ACVR2A: variants seen among roughly 807,000 people sequenced by gnomAD.
ACVR2A encodes activin A receptor type 2A.
ACVR2A carries 7 observed loss-of-function variants against 61.4 expected under a neutral mutation model. The observed-to-expected ratio is 0.11, with a 90% CI of 0.06 to 0.21. The LOEUF is 0.21. Ranked by LOEUF, ACVR2A falls within the 10% of genes least tolerant of loss-of-function variation. The pLI, the probability that ACVR2A is intolerant of heterozygous loss-of-function variation, is 1.00. For missense variants in ACVR2A, 322 were observed against 621.7 expected (o/e 0.52, Z 5.13); for synonymous variants, 193 against 208.3 (o/e 0.93, Z 0.63).
At chr2:147,882,326 G>A (rs1232558743) in intron 1 of ACVR2A, among the ~76,000 whole-genome samples, 1 of 152,210 alleles carries the variant, frequency 6.6e-6, no homozygotes, top group Non-Finnish European at 1.5e-5. Context: ...CCAGTGGGGC[G>A]GATCACTTGA....
intron 10 of ACVR2A, 57 bp downstream of exon 10, chr2:147,926,218 ATTAT>A (rs1414473917): frequency 3.7e-5 from 58 of 1,570,108 alleles, no homozygotes; most frequent in Non-Finnish European, 4.9e-5. Flanking sequence ...TTTCAGAGGA[ATTAT>A]TTATCTCTGC....
chr2:147,915,470 T>C, intron 5 of ACVR2A, 136 bp downstream of exon 5: 1 of 879,250 alleles, frequency 1.1e-6, no homozygotes. Flanking sequence ...GTTAGCTCTT[T>C]TAATGCCTGC....
At chr2:147,908,294 C>T (rs1308228739) in intron 4 of ACVR2A, among the ~76,000 whole-genome samples, 3 of 152,084 alleles carry the variant, frequency 2.0e-5, no homozygotes, top group African/African-American at 7.2e-5. Context: ...TTCTTTTAAG[C>T]ATCAACCCCA....
intron 1 of ACVR2A, 119 bp from the exon 2 acceptor site, chr2:147,896,182 A>T: frequency 2.3e-6 from 2 of 851,932 alleles, no homozygotes; most frequent in Non-Finnish European, 3.6e-6. Context: ...ACCCAAAGTT[A>T]TAAGTGGGAA....
At chr2:147,877,291 T>C (rs1686183255) in intron 1 of ACVR2A, 1 of 152,190 alleles carries the variant, frequency 6.6e-6, no homozygotes, top group Admixed American at 6.5e-5. Context: ...TCTGTGGATC[T>C]TTGTTTTTTA....
At chr2:147,907,652 C>A (rs1458184521) in intron 4 of ACVR2A, among the ~76,000 whole-genome samples, 1 of 152,148 alleles carries the variant, frequency 6.6e-6, no homozygotes, top group Non-Finnish European at 1.5e-5. Context: ...GTGGCAAAGC[C>A]TGGGCATTTA....
At chr2:147,925,900 T>A (rs1177226101) in intron 9 of ACVR2A, 131 bp from the exon 10 acceptor site, 1 of 891,604 alleles carries the variant, frequency 1.1e-6, no homozygotes, top group African/African-American at 1.7e-5. Context: ...GAGAGTCTGT[T>A]TCTCTTCTGT....
At chr2:147,864,275 G>T (rs1409718000) in intron 1 of ACVR2A, among the ~76,000 whole-genome samples, 1 of 152,048 alleles carries the variant, frequency 6.6e-6, no homozygotes, top group South Asian at 2.1e-4. Flanking sequence ...TGTCACCCAG[G>T]CTGGAGTGCA....
At chr2:147,867,857 A>C (rs1435104538) in intron 1 of ACVR2A, among the ~76,000 whole-genome samples, 1 of 151,906 alleles carries the variant, frequency 6.6e-6, no homozygotes, top group Non-Finnish European at 1.5e-5. Context: ...ATCTTACAAC[A>C]CTAGAAGACT....
At chr2:147,926,336 G>A (rs1687499021) in intron 10 of ACVR2A, among the ~76,000 whole-genome samples, 175 bp downstream of exon 10, 1 of 151,812 alleles carries the variant, frequency 6.6e-6, no homozygotes, top group African/African-American at 2.4e-5. Flanking sequence ...TACCCCTGAA[G>A]GTGATTGTAA....
chr2:147,877,700 T>A (rs1573670280), intron 1 of ACVR2A, among the ~76,000 whole-genome samples: 1 of 152,214 alleles, frequency 6.6e-6, no homozygotes, highest in Non-Finnish European at 1.5e-5. Context: ...GTAAAACTTA[T>A]CAGTCATTGA....
chr2:147,930,764 CAAAT>C lies in ACVR2A; in HGVS notation c.*3494_*3497del, dbSNP rs775524462. On this transcript the variant is annotated 3_prime_UTR_variant, in exon 11 of 11. Transcript: ENST00000241416. Reference sequence around the variant, plus strand: ...GGATAAGTGATTGTTAAATATTGTACAAATAAAATGTATGCTATCCCCATTCCAT... The same window carrying C: ...GGATAAGTGATTGTTAAATATTGTACAAAATGTATGCTATCCCCATTCCAT... 5.3e-5 allele frequency: 8 copies of C among 151,906 alleles called. No individual in the cohort carries two copies. Among genetic ancestry groups the C allele is most frequent in the Non-Finnish European group, 1.2e-4 (8 of 67,878 alleles). 9.4% of individuals were successfully genotyped at this position (151,906 alleles called of 1,614,324 possible).
intron 1 of ACVR2A, among the ~76,000 whole-genome samples, chr2:147,868,777 A>G (rs1036233808): frequency 6.6e-6 from 1 of 151,938 alleles, no homozygotes; most frequent in Non-Finnish European, 1.5e-5. Flanking sequence ...GACCACAGGC[A>G]TGCCACCACA....
chr2:147,924,745 T>C (rs544598874), intron 9 of ACVR2A, among the ~76,000 whole-genome samples: 1 of 151,936 alleles, frequency 6.6e-6, no homozygotes, highest in African/African-American at 2.4e-5. Context: ...CAAACTTTAA[T>C]GTGTCATACC....
chr2:147,926,622 A>G (rs948347858), intron 10 of ACVR2A, among the ~76,000 whole-genome samples: 1 of 151,952 alleles, frequency 6.6e-6, no homozygotes, highest in Non-Finnish European at 1.5e-5. Flanking sequence ...CCAGGCACAT[A>G]ACAGTATTGC....
chr2:147,909,160 G>A (rs1687058634), intron 4 of ACVR2A, among the ~76,000 whole-genome samples: 1 of 152,020 alleles, frequency 6.6e-6, no homozygotes, highest in African/African-American at 2.4e-5. Flanking sequence ...CTTCTCCCTA[G>A]TACTTACTCC....
At chr2:147,861,398 T>C (rs1558961562) in intron 1 of ACVR2A, among the ~76,000 whole-genome samples, 1 of 152,222 alleles carries the variant, frequency 6.6e-6, no homozygotes, top group Non-Finnish European at 1.5e-5. Flanking sequence ...GGAAGAATAC[T>C]AATATTTTCA....
chr2:147,920,617 C>T (rs533705507), intron 8 of ACVR2A, among the ~76,000 whole-genome samples: 11 of 152,102 alleles, frequency 7.2e-5, no homozygotes, highest in Non-Finnish European at 1.3e-4. Flanking sequence ...TTTAACAGAC[C>T]TCATTCTTAG....
chr2:147,919,920 C>T (rs1324227042), intron 7 of ACVR2A, among the ~76,000 whole-genome samples: 1 of 152,048 alleles, frequency 6.6e-6, no homozygotes, highest in African/African-American at 2.4e-5. Flanking sequence ...GAGATATTAA[C>T]AGTAGTTTTA....
Sources: gnomAD v4.1 joint callset for allele counts (sites outside exome capture counted in the v4.1 genomes callset) on GRCh38, gnomAD v4.1.1 for gene constraint, MANE v1.5 for transcripts, NCBI Gene and HGNC (gene_info 2026-07-23, HGNC 2026-07-21) for gene names.